The following TBC1D5 variants were observed in gnomAD, a reference collection of about 807,000 sequenced individuals.
TBC1D5 encodes the protein TBC1 domain family member 5.
In TBC1D5, 75 loss-of-function variants were observed where a neutral mutation model predicts 100.3. The ratio of observed to expected loss-of-function variants is 0.75; its 90% confidence interval spans 0.62 to 0.91. The LOEUF is 0.91. TBC1D5 is among the 40% of genes least tolerant of loss of function. TBC1D5 has a pLI of 0.00. For missense variants in TBC1D5, 910 were observed against 942.4 expected (o/e 0.97, Z 0.45); for synonymous variants, 323 against 325.6 (o/e 0.99, Z 0.09).
intron 1 of TBC1D5, among the ~76,000 whole-genome samples, chr3:17,661,222 C>T (rs1488871477): frequency 6.6e-6 from 1 of 152,158 alleles, no homozygotes; most frequent in South Asian, 2.1e-4. Flanking sequence ...AGATTAAAGT[C>T]CCATCTGGAG....
intron 3 of TBC1D5, among the ~76,000 whole-genome samples, chr3:17,437,461 T>A (rs2094555678): frequency 6.6e-6 from 1 of 151,984 alleles, no homozygotes; most frequent in African/African-American, 2.4e-5. Context: ...GCAAAATTAA[T>A]ATTTCTGGGT....
At chr3:17,158,284 T>G (rs754001822) in exon 22 of TBC1D5, 1 of 152,212 alleles carries the variant, frequency 6.6e-6, no homozygotes, top group Non-Finnish European at 1.5e-5. Context: ...GTATACAAAA[T>G]GTATTTAACT....
intron 10 of TBC1D5, among the ~76,000 whole-genome samples, chr3:17,375,565 TAA>T (rs200229140): frequency 7.0e-6 from 1 of 142,974 alleles, no homozygotes; most frequent in Non-Finnish European, 1.5e-5. Flanking sequence ...ACATAAAATT[TAA>T]AAAAAAAAAA....
intron 3 of TBC1D5, among the ~76,000 whole-genome samples, chr3:17,486,909 G>GGT (rs1327903728): frequency 6.6e-6 from 1 of 152,126 alleles, no homozygotes. Flanking sequence ...CCAACTCATG[G>GGT]GTGGCTTCTC....
intron 2 of TBC1D5, among the ~76,000 whole-genome samples, chr3:17,602,884 A>AT (rs1212565426): frequency 6.6e-6 from 1 of 151,940 alleles, no homozygotes; most frequent in Non-Finnish European, 1.5e-5. Flanking sequence ...CGACAATCAG[A>AT]TTTTTTAATG....
chr3:17,185,154 C>A (rs1248715107), exon 19 of TBC1D5: 2 of 1,613,630 alleles, frequency 1.2e-6, no homozygotes, highest in Admixed American at 1.7e-5. Context: ...CACATGGCAT[C>A]CAGGTCATTC....
intron 13 of TBC1D5, among the ~76,000 whole-genome samples, chr3:17,317,321 G>C (rs903553715): frequency 6.6e-6 from 1 of 152,092 alleles, no homozygotes; most frequent in Non-Finnish European, 1.5e-5. Flanking sequence ...ATCTGCATGG[G>C]GCCCAGGTAA....
chr3:17,243,795 C>T (rs1183164499), intron 16 of TBC1D5, among the ~76,000 whole-genome samples: 1 of 151,934 alleles, frequency 6.6e-6, no homozygotes, highest in Non-Finnish European at 1.5e-5. Context: ...AGTGATGACA[C>T]TGAAGAAAAT....
chr3:17,328,618 T>G (rs932966499), intron 13 of TBC1D5, among the ~76,000 whole-genome samples: 1 of 152,226 alleles, frequency 6.6e-6, no homozygotes, highest in African/African-American at 2.4e-5. Context: ...AAATTTGCAG[T>G]GCTGAGTTGC....
At chr3:17,378,767 CTTT>C (rs202093055) in intron 9 of TBC1D5, among the ~76,000 whole-genome samples, 1 of 138,944 alleles carries the variant, frequency 7.2e-6, no homozygotes. Context: ...ATACAGTTTC[CTTT>C]TTTTTTTTTC....
chr3:17,564,057 C>T (rs1318506033), intron 2 of TBC1D5, among the ~76,000 whole-genome samples: 1 of 152,224 alleles, frequency 6.6e-6, no homozygotes, highest in Non-Finnish European at 1.5e-5. Context: ...GCTGGGATTA[C>T]AGGCATGAGC....
chr3:17,730,542 C>CT (rs1454151789), intron 1 of TBC1D5, among the ~76,000 whole-genome samples: 1 of 152,182 alleles, frequency 6.6e-6, no homozygotes, highest in Non-Finnish European at 1.5e-5. Flanking sequence ...CCAGCATAAA[C>CT]TGCCAGCTAT....
chr3:17,693,970 C>G (rs1246329107), intron 1 of TBC1D5, among the ~76,000 whole-genome samples: 1 of 152,178 alleles, frequency 6.6e-6, no homozygotes, highest in East Asian at 1.9e-4. Context: ...AGTGGACCTC[C>G]AGCAAACTCC....
chr3:17,216,573 G>A (rs571645008), intron 17 of TBC1D5, among the ~76,000 whole-genome samples: 1 of 152,246 alleles, frequency 6.6e-6, no homozygotes. Context: ...AAAGAGTAGA[G>A]AACAGGCCCC....
rs371909056 is a variant in TBC1D5 at position 17,559,136 on chromosome 3, T to C, written c.-35-50531A>G. 1.1e-4 allele frequency among the ~76,000 whole-genome samples: 17 copies of C among 151,348 alleles called. No homozygotes were observed. The South Asian group carries it at 2.1e-3, about 18-fold the overall frequency. On this transcript the variant is annotated intron_variant, in intron 2 of 21. Transcript: ENST00000253692. ...TAAATAAGACTTCATTTTTAATAGCTATATAAATGTAAAACTTTTTTTTTT... is the reference window on the plus strand; with the variant it reads ...TAAATAAGACTTCATTTTTAATAGCCATATAAATGTAAAACTTTTTTTTTT...
At chr3:17,234,656 A>G (rs181769335) in intron 17 of TBC1D5, among the ~76,000 whole-genome samples, 35 of 152,256 alleles carry the variant, frequency 2.3e-4, no homozygotes, top group Non-Finnish European at 3.8e-4. Context: ...TCAGACTAAC[A>G]GGCTAAAGAA....
chr3:17,167,419 C>T (rs1003119009), intron 20 of TBC1D5, among the ~76,000 whole-genome samples: 2 of 152,176 alleles, frequency 1.3e-5, no homozygotes, highest in African/African-American at 2.4e-5. Flanking sequence ...ATGACTTGTG[C>T]CCCAAAAATA....
chr3:17,724,754 G>C (rs1446982720), intron 1 of TBC1D5, among the ~76,000 whole-genome samples: 2 of 151,996 alleles, frequency 1.3e-5, no homozygotes, highest in African/African-American at 4.8e-5. Context: ...TGAAAGACAT[G>C]TCACTTTCTC....
intron 1 of TBC1D5, among the ~76,000 whole-genome samples, chr3:17,652,356 G>C (rs1172798862): frequency 6.6e-6 from 1 of 151,896 alleles, no homozygotes; most frequent in African/African-American, 2.4e-5. Flanking sequence ...ATAAAGGAAG[G>C]CTCAAAACTA....
Sources: gnomAD v4.1 joint callset for allele counts (sites outside exome capture counted in the v4.1 genomes callset) on GRCh38, gnomAD v4.1.1 for gene constraint, MANE v1.5 for transcripts, NCBI Gene and HGNC (gene_info 2026-07-23, HGNC 2026-07-21) for gene names.